Variants in FTO observed in about 807,000 individuals in gnomAD.
The protein encoded by FTO is FTO alpha-ketoglutarate dependent dioxygenase.
FTO carries 47 observed loss-of-function variants against 63.9 expected under a neutral mutation model. The observed-to-expected ratio is 0.74, with a 90% CI of 0.58 to 0.94. FTO has a LOEUF of 0.94. Among genes scored for constraint, FTO ranks in the 40% least tolerant of loss-of-function variants. The pLI is 0.00. For synonymous variants in FTO, 207 were observed against 224.4 expected (o/e 0.92, Z 0.69); for missense variants, 562 against 618.1 (o/e 0.91, Z 0.96).
At chr16:53,704,401 C>T (rs1971851670) in intron 1 of FTO, among the ~76,000 whole-genome samples, 172 bp downstream of exon 1, 1 of 152,242 alleles carries the variant, frequency 6.6e-6, no homozygotes, top group Admixed American at 6.5e-5. Flanking sequence ...AATTCGTGCT[C>T]TTCAGGATGC....
Position 53,997,670 on chromosome 16 carries a change from CCTT to C in FTO, c.1364+63565_1364+63567del, listed in dbSNP as rs1252732567. Among the ~76,000 whole-genome samples, 19 of 148,664 alleles carry C rather than the reference CCTT, an allele frequency of 1.3e-4. No individual in the cohort carries two copies. In the East Asian group the frequency reaches 2.0e-3, roughly 15 times the overall value. The stretch of plus-strand genomic sequence containing the variant: ...GAGAAATAGAACATTCAGAAACTGT[CCTT>C]CTTAATATTTTTGCCATATTTGATT... On this transcript the variant is annotated intron_variant, in intron 8 of 8. Transcript: ENST00000471389.
chr16:53,979,301 A>C, intron 8 of FTO: 1 of 397,950 alleles, frequency 2.5e-6, no homozygotes, highest in Non-Finnish European at 4.4e-6. Context: ...AGTTCCTAAC[A>C]AATTACAGGT....
chr16:54,062,989 G>A (rs902144636), intron 8 of FTO, among the ~76,000 whole-genome samples: 8 of 152,216 alleles, frequency 5.3e-5, no homozygotes, highest in Admixed American at 6.5e-5. Context: ...ATGCGCCCCC[G>A]AGGGGTGTGC....
At chr16:53,860,518 T>C (rs568525860) in intron 4 of FTO, among the ~76,000 whole-genome samples, 76 of 152,232 alleles carry the variant, frequency 5.0e-4, no homozygotes, top group Non-Finnish European at 9.4e-4. Flanking sequence ...CGCTGGCATC[T>C]GCTTGGCTTC....
At chr16:53,941,548 G>A (rs545924195) in intron 8 of FTO, among the ~76,000 whole-genome samples, 15 of 152,252 alleles carry the variant, frequency 9.9e-5, no homozygotes, top group South Asian at 2.1e-4. Context: ...TTTACCAGCC[G>A]TAAAACATAC....
chr16:53,930,639 T>C (rs2082259588), intron 7 of FTO, among the ~76,000 whole-genome samples: 1 of 152,174 alleles, frequency 6.6e-6, no homozygotes, highest in African/African-American at 2.4e-5. Flanking sequence ...TAGAAATTAC[T>C]ACGAAAAATG....
At chr16:54,092,118 A>G (rs1158274883) in intron 8 of FTO, among the ~76,000 whole-genome samples, 3 of 152,194 alleles carry the variant, frequency 2.0e-5, no homozygotes, top group Non-Finnish European at 4.4e-5. Context: ...CTCTACAAAA[A>G]GTAATAAAAA....
chr16:54,055,440 G>A (rs936135869), intron 8 of FTO, among the ~76,000 whole-genome samples: 5 of 152,190 alleles, frequency 3.3e-5, no homozygotes, highest in African/African-American at 7.2e-5. Context: ...CTATGGCAAC[G>A]AGCTATGTCT....
chr16:53,926,954 C>G (rs1390746918), intron 7 of FTO, among the ~76,000 whole-genome samples: 2 of 152,152 alleles, frequency 1.3e-5, no homozygotes, highest in African/African-American at 4.8e-5. Flanking sequence ...GAAGCCAAAG[C>G]TCCTTGTCTC....
intron 6 of FTO, among the ~76,000 whole-genome samples, chr16:53,884,795 C>T (rs1194801996): frequency 6.6e-6 from 1 of 152,182 alleles, no homozygotes; most frequent in African/African-American, 2.4e-5. Flanking sequence ...AGGCTTATTT[C>T]CATTAAGTGC....
At chr16:53,825,609 CATT>C (rs1387889374) in intron 2 of FTO, among the ~76,000 whole-genome samples, 1 of 152,092 alleles carries the variant, frequency 6.6e-6, no homozygotes, top group Admixed American at 6.5e-5. Context: ...TCAGGACACA[CATT>C]ATTATTTTTT....
chr16:53,712,014 G>C (rs1367096521), intron 1 of FTO, among the ~76,000 whole-genome samples: 1 of 152,132 alleles, frequency 6.6e-6, no homozygotes. Context: ...GCTCACTTGA[G>C]ACCAGGAGTT....
At chr16:53,888,793 A>G (rs2081074442) in intron 6 of FTO, 39 bp from the exon 7 acceptor site, 1 of 1,611,896 alleles carries the variant, frequency 6.2e-7, no homozygotes, top group Non-Finnish European at 8.5e-7. Context: ...GTCTATCACA[A>G]GGGTATTAAA....
At chr16:54,111,719 G>A (rs760539286) in intron 8 of FTO, 43 bp from the exon 9 acceptor site, 4 of 1,612,618 alleles carry the variant, frequency 2.5e-6, no homozygotes, top group Non-Finnish European at 3.4e-6. Context: ...GGTCTTCTGG[G>A]GGTTTCCTCC....
chr16:53,969,896 A>G (rs376391408), intron 8 of FTO, among the ~76,000 whole-genome samples: 12 of 152,220 alleles, frequency 7.9e-5, no homozygotes, highest in African/African-American at 2.9e-4. Flanking sequence ...ACTGCTGCCT[A>G]AAAGTGTGCT....
intron 8 of FTO, among the ~76,000 whole-genome samples, chr16:54,011,411 A>C (rs1368285079): frequency 6.6e-6 from 1 of 152,188 alleles, no homozygotes; most frequent in Non-Finnish European, 1.5e-5. Context: ...ACAGAGTAGA[A>C]CTTGATATGA....
rs80299743 is a variant in FTO at position 53,832,548 on chromosome 16, G to A, written c.751+6057G>A. 2.0e-3 allele frequency among the ~76,000 whole-genome samples: 302 copies of A among 152,224 alleles called. 1 individual carries two copies. Among genetic ancestry groups the A allele is most frequent in the Middle Eastern group, 6.8e-3 (2 of 294 alleles). On this transcript the variant is annotated intron_variant, in intron 3 of 8. Transcript: ENST00000471389. Reference sequence around the variant, plus strand: ...GCTGGAATTACAGGTGTGAGCCACTGTGTCAGCCTGGATTTGTTTTCTGTC... The same window carrying A: ...GCTGGAATTACAGGTGTGAGCCACTATGTCAGCCTGGATTTGTTTTCTGTC...
At chr16:54,036,015 G>A (rs1237338200) in intron 8 of FTO, among the ~76,000 whole-genome samples, 1 of 152,048 alleles carries the variant, frequency 6.6e-6, no homozygotes, top group South Asian at 2.1e-4. Flanking sequence ...AAATGTAATC[G>A]AAATCACATC....
intron 5 of FTO, among the ~76,000 whole-genome samples, chr16:53,878,400 G>T (rs2080729004): frequency 6.6e-6 from 1 of 152,088 alleles, no homozygotes; most frequent in Non-Finnish European, 1.5e-5. Context: ...GGAAATTGGA[G>T]CTGCCTGCCC....
Sources: gnomAD v4.1 joint callset for allele counts (sites outside exome capture counted in the v4.1 genomes callset) on GRCh38, gnomAD v4.1.1 for gene constraint, MANE v1.5 for transcripts, NCBI Gene and HGNC (gene_info 2026-07-23, HGNC 2026-07-21) for gene names.